SLC41A2: variants seen among roughly 807,000 people sequenced by gnomAD.
SLC41A2 encodes solute carrier family 41 member 2.
Under a neutral mutation model 58.3 loss-of-function variants are expected in SLC41A2, and 32 were observed. The ratio of observed to expected loss-of-function variants is 0.55; its 90% CI spans 0.41 to 0.74. SLC41A2 has a LOEUF of 0.74. SLC41A2 is among the 30% of genes least tolerant of loss of function. The probability of loss-of-function intolerance (pLI) is 0.00; values close to 1 mark genes in which losing one functional copy is unlikely to be tolerated. For synonymous variants in SLC41A2, 190 were observed against 235.0 expected (o/e 0.81, Z 1.75); for missense variants, 514 against 680.6 (o/e 0.76, Z 2.72).
intron 6 of SLC41A2, among the ~76,000 whole-genome samples, chr12:104,871,050 A>G (rs1245670166): frequency 6.6e-6 from 1 of 152,220 alleles, no homozygotes; most frequent in Non-Finnish European, 1.5e-5. Flanking sequence ...GTAAATAACC[A>G]GGTGGCATCC....
intron 6 of SLC41A2, among the ~76,000 whole-genome samples, chr12:104,879,720 C>A (rs1034469452): frequency 6.6e-6 from 1 of 152,144 alleles, no homozygotes; most frequent in African/African-American, 2.4e-5. Flanking sequence ...AGTTTGAAGT[C>A]AGGCAGCATG....
intron 6 of SLC41A2, among the ~76,000 whole-genome samples, chr12:104,878,361 G>A (rs1336375178): frequency 8.1e-5 from 12 of 148,136 alleles, no homozygotes; most frequent in Non-Finnish European, 1.5e-4. Context: ...TGTGCACAAC[G>A]TGCAGGTTTG....
chr12:104,856,684 G>A (rs559904201), intron 8 of SLC41A2, among the ~76,000 whole-genome samples: 146 of 152,282 alleles, frequency 9.6e-4, no homozygotes, highest in African/African-American at 3.1e-3. Flanking sequence ...TAGTATCCAG[G>A]GCACAGGTCA....
intron 3 of SLC41A2, among the ~76,000 whole-genome samples, chr12:104,907,478 A>G (rs2045904617): frequency 6.6e-6 from 1 of 152,226 alleles, no homozygotes; most frequent in Non-Finnish European, 1.5e-5. Context: ...GAAAAGCATT[A>G]TATCTGTAAA....
At chr12:104,920,683 G>A (rs1182597849) in intron 2 of SLC41A2, among the ~76,000 whole-genome samples, 1 of 152,052 alleles carries the variant, frequency 6.6e-6, no homozygotes, top group Non-Finnish European at 1.5e-5. Context: ...CCAGCACTTT[G>A]GGAGGCCGAG....
chr12:104,929,794 G>A (rs960145292), intron 1 of SLC41A2, among the ~76,000 whole-genome samples: 7 of 152,212 alleles, frequency 4.6e-5, no homozygotes, highest in Non-Finnish European at 1.0e-4. Flanking sequence ...ACTGGACTGC[G>A]TTCCTGCCAA....
chr12:104,927,419 G>C (rs1265259290), intron 2 of SLC41A2, among the ~76,000 whole-genome samples: 1 of 152,042 alleles, frequency 6.6e-6, no homozygotes, highest in Non-Finnish European at 1.5e-5. Context: ...GTATTATTAA[G>C]CAATGAAAAT....
intron 1 of SLC41A2, among the ~76,000 whole-genome samples, chr12:104,950,201 T>C (rs1341749039): frequency 6.6e-6 from 1 of 152,184 alleles, no homozygotes; most frequent in African/African-American, 2.4e-5. Flanking sequence ...GCTCTGGTTG[T>C]GTCCCCACCC....
At chr12:104,914,724 C>T (rs2046235195) in intron 2 of SLC41A2, among the ~76,000 whole-genome samples, 1 of 152,212 alleles carries the variant, frequency 6.6e-6, no homozygotes, top group South Asian at 2.1e-4. Flanking sequence ...GAAATTCTGA[C>T]TCTACTACTT....
intron 1 of SLC41A2, among the ~76,000 whole-genome samples, chr12:104,954,378 T>C (rs1213799505): frequency 6.6e-6 from 1 of 152,238 alleles, no homozygotes; most frequent in Non-Finnish European, 1.5e-5. Flanking sequence ...AAAGTGTCCC[T>C]ACCCTCATCT....
chr12:104,805,712 T>C (rs1409289912), intron 10 of SLC41A2, among the ~76,000 whole-genome samples: 2 of 152,266 alleles, frequency 1.3e-5, no homozygotes, highest in South Asian at 2.1e-4. Flanking sequence ...TAAGGAATTA[T>C]TTAACAGTCT....
intron 3 of SLC41A2, among the ~76,000 whole-genome samples, chr12:104,908,003 G>A (rs563723399): frequency 1.1e-4 from 17 of 152,226 alleles, no homozygotes; most frequent in Admixed American, 2.6e-4. Flanking sequence ...AGTGGCTCAC[G>A]CCTGTAATCC....
At chr12:104,938,113 A>G (rs572147417) in intron 1 of SLC41A2, among the ~76,000 whole-genome samples, 1 of 152,232 alleles carries the variant, frequency 6.6e-6, no homozygotes, top group African/African-American at 2.4e-5. Flanking sequence ...TAGCAAAAAA[A>G]AAAATGGAAT....
chr12:104,845,865 T>C lies in SLC41A2; in HGVS notation c.1365A>G (p.Pro455=). ...LPDEPKGCYY[P]FRTFFGPGVN... is the part of the protein sequence containing the mutation. ...TACCTGGACCAAAGAAAGTTCTAAATGGGTAGTAACAACCTTTGGGTTCAT... is the reference window on the plus strand; with the variant it reads ...TACCTGGACCAAAGAAAGTTCTAAACGGGTAGTAACAACCTTTGGGTTCAT... Residue 455 remains proline (P), a synonymous_variant, in exon 9 of 11, where the codon CCA becomes CCG. Coordinates refer to ENST00000258538, the MANE Select transcript of SLC41A2 (RefSeq NM_001352171.3). 1.9e-6 allele frequency: 3 copies of C among 1,613,236 alleles called. No homozygotes were observed. Among genetic ancestry groups the C allele is most frequent in the Non-Finnish European group, 1.7e-6 (2 of 1,179,458 alleles).
intron 1 of SLC41A2, among the ~76,000 whole-genome samples, chr12:104,945,974 G>A (rs1446104784): frequency 2.0e-5 from 3 of 152,044 alleles, no homozygotes; most frequent in Non-Finnish European, 2.9e-5. Context: ...TGAAAATAAC[G>A]CCAAACAAAA....
At chr12:104,855,936 A>C (rs2043004964) in intron 8 of SLC41A2, among the ~76,000 whole-genome samples, 1 of 152,244 alleles carries the variant, frequency 6.6e-6, no homozygotes, top group Non-Finnish European at 1.5e-5. Context: ...TCCAATTTAA[A>C]GTATGGATCT....
At chr12:104,877,765 G>A (rs914180705) in intron 6 of SLC41A2, among the ~76,000 whole-genome samples, 3 of 152,100 alleles carry the variant, frequency 2.0e-5, no homozygotes, top group Non-Finnish European at 2.9e-5. Flanking sequence ...TTGGGAGGCC[G>A]AGGCAGGCAG....
Position 104,809,358 on chromosome 12 carries a change from C to G in SLC41A2, c.1537-4021G>C, listed in dbSNP as rs973328138. Among the ~76,000 whole-genome samples, 56 of 128,604 alleles carry G rather than the reference C, an allele frequency of 4.4e-4. 1 individual carries two copies. Among genetic ancestry groups the G allele is most frequent in the African/African-American group, 1.5e-3 (54 of 36,572 alleles). The allele number at this position is 128,604 out of a possible 152,430, so 84.4% of individuals were successfully genotyped here. ...GCCTTGGGACCCAAACTGCTGTGTGCTATCATTTTAGCTCTAACACCTTTA... is the reference window on the plus strand; with the variant it reads ...GCCTTGGGACCCAAACTGCTGTGTGGTATCATTTTAGCTCTAACACCTTTA... On this transcript the variant is annotated intron_variant, in intron 10 of 10. Coordinates refer to ENST00000258538, the MANE Select transcript of SLC41A2 (RefSeq NM_001352171.3).
At chr12:104,872,708 C>T (rs1424402863) in intron 6 of SLC41A2, among the ~76,000 whole-genome samples, 2 of 151,882 alleles carry the variant, frequency 1.3e-5, no homozygotes, top group South Asian at 2.1e-4. Flanking sequence ...CCAGCCTGGG[C>T]GACAGTCGAG....
Sources: gnomAD v4.1 joint callset for allele counts (sites outside exome capture counted in the v4.1 genomes callset) on GRCh38, gnomAD v4.1.1 for gene constraint, MANE v1.5 for transcripts, NCBI Gene and HGNC (gene_info 2026-07-23, HGNC 2026-07-21) for gene names.